The following ASB5 variants were observed in gnomAD, a reference collection of about 807,000 sequenced individuals.
The protein encoded by ASB5 is ankyrin repeat and SOCS box protein 5.
A neutral mutation model predicts 42.1 loss-of-function variants in ASB5; 45 were observed. The ratio of observed to expected loss-of-function variants is 1.07; its 90% CI spans 0.84 to 1.37. The LOEUF is 1.37. Ranked by LOEUF, ASB5 falls within the 40% of genes most tolerant of loss-of-function variation. The probability of loss-of-function intolerance (pLI) is 0.00; values close to 1 mark genes in which losing one functional copy is unlikely to be tolerated. For synonymous variants in ASB5, 147 were observed against 150.6 expected (o/e 0.98, Z 0.18); for missense variants, 402 against 399.8 (o/e 1.01, Z -0.05).
chr4:176,235,109 T>C (rs961936781), intron 1 of ASB5, among the ~76,000 whole-genome samples: 2 of 152,180 alleles, frequency 1.3e-5, no homozygotes, highest in African/African-American at 4.8e-5. Flanking sequence ...TATTCCATAA[T>C]GAGTCCATAA....
intron 2 of ASB5, among the ~76,000 whole-genome samples, chr4:176,223,028 TTG>T (rs1228101071): frequency 2.0e-5 from 3 of 152,008 alleles, no homozygotes; most frequent in Non-Finnish European, 4.4e-5. Context: ...TCCACCCACC[TTG>T]GCCTCCCAAA....
chr4:176,215,853 A>G, intron 6 of ASB5, 126 bp from the exon 7 acceptor site: 1 of 771,294 alleles, frequency 1.3e-6, no homozygotes, highest in African/African-American at 1.8e-5. Flanking sequence ...CATGACCACT[A>G]TACTAGGGAA....
intron 1 of ASB5, among the ~76,000 whole-genome samples, chr4:176,241,034 T>G (rs1182341871): frequency 6.6e-6 from 1 of 152,208 alleles, no homozygotes; most frequent in East Asian, 1.9e-4. Flanking sequence ...CTCACCCACT[T>G]TCCCACAAAA....
Position 176,215,379 on chromosome 4 carries a change from A to T in ASB5, c.*221T>A, listed in dbSNP as rs1002176989. The T allele has an allele frequency of 5.8e-6, 2 of 345,132 alleles. No homozygotes were observed. Among genetic ancestry groups the T allele is most frequent in the African/African-American group, 4.2e-5 (2 of 47,062 alleles). 21.4% of individuals were successfully genotyped at this position (345,132 alleles called of 1,614,324 possible). A position where few individuals can be genotyped will look rare whatever the true frequency, so the allele number is the denominator to read the frequency against. On this transcript the variant is annotated 3_prime_UTR_variant, in exon 7 of 7. Transcript: ENST00000296525. ...ATAAACAGGAGGGTATATTGAAATA[A>T]CAAAAAATAGATATTATAAATATGC...
upstream of ASB5, among the ~76,000 whole-genome samples, chr4:176,272,857 T>C (rs1162658648): frequency 6.6e-6 from 1 of 152,036 alleles, no homozygotes; most frequent in Non-Finnish European, 1.5e-5. Flanking sequence ...TATCAATGGG[T>C]TATAATAAAA....
intron 1 of ASB5, among the ~76,000 whole-genome samples, chr4:176,241,142 C>T (rs1185874231): frequency 6.6e-6 from 1 of 152,002 alleles, no homozygotes; most frequent in Non-Finnish European, 1.5e-5. Context: ...ATAATTATAA[C>T]CGCAATATCA....
In ASB5 at chr4:176,215,739, C is replaced by T. The variant is rs1752950306; in HGVS notation, c.863-12G>A. 1.2e-6 allele frequency: 2 copies of T among 1,600,842 alleles called. No homozygotes were observed. The highest frequency in any genetic ancestry group is 1.1e-5 in the South Asian group (1 of 88,794). On this transcript the variant is annotated splice_polypyrimidine_tract_variant and intron_variant, in intron 6 of 6. Coordinates refer to ENST00000296525, the MANE Select transcript of ASB5 (RefSeq NM_080874.4). Reference sequence around the variant, plus strand: ...AGAGCTTGGGGTAGCTACAAGAAGACATGAATCTATTTGTTAATTAAAATA... The same window carrying T: ...AGAGCTTGGGGTAGCTACAAGAAGATATGAATCTATTTGTTAATTAAAATA...
intron 1 of ASB5, among the ~76,000 whole-genome samples, chr4:176,236,714 T>G (rs1235352386): frequency 6.6e-6 from 1 of 152,212 alleles, no homozygotes; most frequent in Non-Finnish European, 1.5e-5. Context: ...GAATCTGCAT[T>G]TTCGACCCTT....
rs117731303 is a variant in ASB5 at position 176,274,815 on chromosome 4, C to G, written c.-90+981G>C. On this transcript the variant is annotated intron_variant, in intron 2 of 2. Transcript: ENST00000505299. ...TTTGAAAGACTATTGAAAGGGAAAC[C>G]TTTCAATGACATCATTTTGAAGATC... Among the ~76,000 whole-genome samples the G allele has an allele frequency of 5.3e-5, 8 of 152,098 alleles. No homozygotes were observed. In the East Asian group the frequency reaches 1.4e-3, roughly 26 times the overall value.
intron 1 of ASB5, among the ~76,000 whole-genome samples, chr4:176,244,769 T>A (rs1039463078): frequency 6.6e-6 from 1 of 152,030 alleles, no homozygotes; most frequent in Non-Finnish European, 1.5e-5. Flanking sequence ...AATTTAAAAA[T>A]TAGCTGGGCA....
chr4:176,271,696 ATATT>A (rs1188497509), upstream of ASB5, among the ~76,000 whole-genome samples: 1 of 152,146 alleles, frequency 6.6e-6, no homozygotes, highest in Non-Finnish European at 1.5e-5. Flanking sequence ...CTACATGCAT[ATATT>A]TATTTATTTA....
chr4:176,262,645 T>C (rs902591011), intron 1 of ASB5, among the ~76,000 whole-genome samples: 1 of 152,200 alleles, frequency 6.6e-6, no homozygotes, highest in Non-Finnish European at 1.5e-5. Flanking sequence ...TGCCTATCCA[T>C]CTTTCTTCCA....
chr4:176,241,138 A>G (rs1753802303), intron 1 of ASB5, among the ~76,000 whole-genome samples: 1 of 152,208 alleles, frequency 6.6e-6, no homozygotes, highest in South Asian at 2.1e-4. Flanking sequence ...CTTTATAATT[A>G]TAACCGCAAT....
intron 1 of ASB5, among the ~76,000 whole-genome samples, chr4:176,252,562 T>C (rs1444379012): frequency 2.6e-5 from 4 of 152,234 alleles, no homozygotes; most frequent in Non-Finnish European, 4.4e-5. Flanking sequence ...GGTAATGATA[T>C]TGACTTGATG....
At chr4:176,247,159 A>G (rs1753929031) in intron 1 of ASB5, among the ~76,000 whole-genome samples, 1 of 152,110 alleles carries the variant, frequency 6.6e-6, no homozygotes, top group Non-Finnish European at 1.5e-5. Context: ...TCCCCAGGAG[A>G]CGATAATAAA....
At chr4:176,216,671 C>A (rs978149040) in intron 6 of ASB5, 147 bp downstream of exon 6, 10 of 733,870 alleles carry the variant, frequency 1.4e-5, no homozygotes, top group Non-Finnish European at 1.9e-5. Flanking sequence ...ATAGATAAAA[C>A]CTAAGTTAAA....
At chr4:176,216,354 T>C (rs1381451375) in intron 6 of ASB5, among the ~76,000 whole-genome samples, 2 of 151,950 alleles carry the variant, frequency 1.3e-5, no homozygotes, top group Admixed American at 1.3e-4. Flanking sequence ...AAAATTATCA[T>C]TTTTTTTCTT....
chr4:176,224,866 A>G (rs1753331930), intron 2 of ASB5, among the ~76,000 whole-genome samples: 1 of 152,228 alleles, frequency 6.6e-6, no homozygotes, highest in Admixed American at 6.5e-5. Flanking sequence ...CACAATGTTA[A>G]AAAAGATTGC....
chr4:176,241,679 G>C, intron 1 of ASB5: 10 of 1,334,088 alleles, frequency 7.5e-6, no homozygotes, highest in Non-Finnish European at 9.6e-6. Flanking sequence ...TAGTGAGTGA[G>C]GGCAGATGAG....
Sources: gnomAD v4.1 joint callset for allele counts (sites outside exome capture counted in the v4.1 genomes callset) on GRCh38, gnomAD v4.1.1 for gene constraint, MANE v1.5 for transcripts, NCBI Gene and HGNC (gene_info 2026-07-23, HGNC 2026-07-21) for gene names.